RPGRIP1L: variants seen among roughly 807,000 people sequenced by gnomAD.
RPGRIP1L encodes the protein protein fantom.
RPGRIP1L carries 131 observed loss-of-function variants against 160.4 expected under a neutral mutation model. The observed-to-expected ratio is 0.82, with a 90% CI of 0.71 to 0.94. The LOEUF is 0.94. Among genes scored for constraint, RPGRIP1L ranks in the 40% least tolerant of loss-of-function variants. The probability of loss-of-function intolerance (pLI) is 0.00; values close to 1 mark genes in which losing one functional copy is unlikely to be tolerated. For synonymous variants in RPGRIP1L, 510 were observed against 515.8 expected (o/e 0.99, Z 0.15); for missense variants, 1,522 against 1,535.8 (o/e 0.99, Z 0.15).
chr16:53,614,375 A>G (rs1034031998), intron 24 of RPGRIP1L, among the ~76,000 whole-genome samples: 3 of 152,190 alleles, frequency 2.0e-5, no homozygotes, highest in Non-Finnish European at 4.4e-5. Context: ...TAAAATGCAG[A>G]TTATTGAGTT....
intron 17 of RPGRIP1L, among the ~76,000 whole-genome samples, chr16:53,643,203 G>A (rs898831452): frequency 4.6e-5 from 7 of 152,034 alleles, no homozygotes; most frequent in African/African-American, 1.4e-4. Flanking sequence ...AGCTACTTGG[G>A]AGGCTGAGGC....
At chr16:53,630,531 G>T (rs1280278876) in intron 22 of RPGRIP1L, among the ~76,000 whole-genome samples, 8 of 151,800 alleles carry the variant, frequency 5.3e-5, no homozygotes, top group Admixed American at 5.3e-4. Context: ...CCATCAAAAG[G>T]GGCTTATTTA....
intron 6 of RPGRIP1L, 43 bp from the exon 7 acceptor site, chr16:53,675,165 A>G: frequency 7.3e-7 from 1 of 1,361,660 alleles, no homozygotes; most frequent in South Asian, 1.2e-5. Context: ...GAAGTAAAAA[A>G]CGCAAGTTAG....
Position 53,675,129 on chromosome 16 carries a change from A to G in RPGRIP1L, c.777-7T>C, listed in dbSNP as rs1969053313. 2.5e-6 allele frequency: 4 copies of G among 1,590,558 alleles called. No homozygotes were observed. The African/African-American group carries it at 4.0e-5, about 16-fold the overall frequency. On this transcript the variant is annotated splice_region_variant and splice_polypyrimidine_tract_variant and intron_variant, in intron 6 of 26. Transcript: ENST00000647211. Reference sequence around the variant, plus strand: ...ATTGTCCCGAATATTTGACCTTCAGAGTTGTGTTTAAGAAAAAGAGAGACA... The same window carrying G: ...ATTGTCCCGAATATTTGACCTTCAGGGTTGTGTTTAAGAAAAAGAGAGACA...
rs1285079894 is a variant in RPGRIP1L, at chr16:53,619,013, A to C, written c.3616+12T>G. ...AACATAAAAGTCTATATTACAAATG[A>C]ATCATACATACCATTGCTATAGTTA... On this transcript the variant is annotated intron_variant, in intron 24 of 26. Transcript: ENST00000647211. The C allele has an allele frequency of 6.3e-7, 1 of 1,598,298 alleles. No homozygotes were observed. The highest frequency in any genetic ancestry group is 8.6e-7 in the Non-Finnish European group (1 of 1,165,656).
intron 9 of RPGRIP1L, among the ~76,000 whole-genome samples, chr16:53,669,888 C>T (rs79893137): frequency 0.051 from 7,786 of 152,108 alleles, 393 homozygotes; most frequent in East Asian, 0.3. Flanking sequence ...TTAAAAAAAT[C>T]TGGGTTTTAG....
intron 20 of RPGRIP1L, 115 bp downstream of exon 20, chr16:53,638,195 C>T: frequency 1.4e-6 from 1 of 716,648 alleles, no homozygotes; most frequent in Non-Finnish European, 2.5e-6. Context: ...CCAAGGAAGT[C>T]ATATATAAAA....
chr16:53,610,134 G>A (rs1963935132), intron 25 of RPGRIP1L, among the ~76,000 whole-genome samples: 1 of 152,030 alleles, frequency 6.6e-6, no homozygotes. Flanking sequence ...GGGCACTGGA[G>A]AAACCAGTTT....
intron 6 of RPGRIP1L, among the ~76,000 whole-genome samples, chr16:53,676,779 C>T (rs532633152): frequency 3.3e-5 from 5 of 152,074 alleles, no homozygotes; most frequent in South Asian, 2.1e-4. Context: ...ACTACAGGCG[C>T]GTGCCACCAT....
intron 7 of RPGRIP1L, 90 bp from the exon 8 acceptor site, chr16:53,673,106 A>G (rs1242109753): frequency 1.6e-6 from 2 of 1,272,192 alleles, no homozygotes; most frequent in Non-Finnish European, 2.2e-6. Flanking sequence ...TTACAATTCT[A>G]TAAATGAATT....
intron 9 of RPGRIP1L, among the ~76,000 whole-genome samples, chr16:53,665,297 T>C (rs948984018): frequency 6.6e-6 from 1 of 152,186 alleles, no homozygotes; most frequent in African/African-American, 2.4e-5. Context: ...GGAATTCAGA[T>C]ACTGTACATA....
At chr16:53,702,751 C>T (rs944494266) in intron 1 of RPGRIP1L, among the ~76,000 whole-genome samples, 5 of 149,610 alleles carry the variant, frequency 3.3e-5, no homozygotes, top group African/African-American at 1.2e-4. Flanking sequence ...TTCATGGGTT[C>T]AAGTGATCCT....
intron 6 of RPGRIP1L, among the ~76,000 whole-genome samples, chr16:53,681,449 C>G (rs1165699527): frequency 1.3e-5 from 2 of 151,992 alleles, no homozygotes; most frequent in East Asian, 3.9e-4. Context: ...TTTAAGACGG[C>G]CTTTTTAATA....
At chr16:53,647,514 G>A (rs546483641) in intron 16 of RPGRIP1L, among the ~76,000 whole-genome samples, 8 of 152,104 alleles carry the variant, frequency 5.3e-5, no homozygotes, top group Admixed American at 1.3e-4. Context: ...AATTTTACGT[G>A]TCCAGATATG....
At chr16:53,610,077 T>A (rs1963929434) in intron 25 of RPGRIP1L, among the ~76,000 whole-genome samples, 1 of 151,616 alleles carries the variant, frequency 6.6e-6, no homozygotes, top group Non-Finnish European at 1.5e-5. Context: ...AAGTGGGCAA[T>A]GGAGACAGAA....
At chr16:53,674,338 G>A (rs1040384518) in intron 7 of RPGRIP1L, among the ~76,000 whole-genome samples, 3 of 152,064 alleles carry the variant, frequency 2.0e-5, no homozygotes, top group Non-Finnish European at 2.9e-5. Flanking sequence ...GGAATGTCTT[G>A]GAGTTCATTA....
At chr16:53,693,356 C>T (rs556443110) in intron 3 of RPGRIP1L, 1 of 152,190 alleles carries the variant, frequency 6.6e-6, no homozygotes, top group African/African-American at 2.4e-5. Context: ...TGGTTATGGA[C>T]AGAAGCTTTT....
Position 53,601,959 on chromosome 16 carries a change from TC to T in RPGRIP1L, c.*116del. 1 of 716,432 alleles carries T rather than the reference TC, an allele frequency of 1.4e-6. No homozygotes were observed. Among genetic ancestry groups the T allele is most frequent in the Non-Finnish European group, 2.5e-6 (1 of 394,876 alleles). 44.4% of individuals were successfully genotyped at this position (716,432 alleles called of 1,614,324 possible). A position where few individuals can be genotyped will look rare whatever the true frequency, so the allele number is the denominator to read the frequency against. On this transcript the variant is annotated 3_prime_UTR_variant, in exon 27 of 27. Transcript: ENST00000647211. ...ACACTTCAAACCCAGGTCTCCCCGC[TC>T]CCAGCTTCCCATGAATTATAGATTA...
intron 25 of RPGRIP1L, among the ~76,000 whole-genome samples, chr16:53,607,773 T>C (rs1963778341): frequency 6.6e-6 from 1 of 152,164 alleles, no homozygotes; most frequent in South Asian, 2.1e-4. Context: ...TTAAATTCTA[T>C]ATAGAGAAAA....
Sources: allele counts gnomAD v4.1 joint callset (sites outside exome capture counted in the v4.1 genomes callset), GRCh38; gene constraint gnomAD v4.1.1; transcripts MANE v1.5; gene names NCBI Gene and HGNC (gene_info 2026-07-23, HGNC 2026-07-21).